The following EPM2A variants were observed in gnomAD, a reference collection of about 807,000 sequenced individuals.
EPM2A encodes EPM2A glucan phosphatase, laforin.
Under a neutral mutation model 26.5 loss-of-function variants are expected in EPM2A, and 21 were observed. That is an observed-to-expected ratio of 0.79 (90% CI 0.56 to 1.14). The LOEUF is 1.14. EPM2A is among the 50% of genes most tolerant of loss of function. The pLI is 0.00. For missense variants in EPM2A, 458 were observed against 440.8 expected (o/e 1.04, Z -0.35); for synonymous variants, 217 against 177.6 (o/e 1.22, Z -1.76).
intron 2 of EPM2A, among the ~76,000 whole-genome samples, chr6:145,565,278 C>T (rs1339764407): frequency 6.6e-6 from 1 of 152,190 alleles, no homozygotes; most frequent in Non-Finnish European, 1.5e-5. Context: ...AGTCCCCTCA[C>T]ATGGCACTAA....
chr6:145,560,467 GT>G (rs1780789173), intron 2 of EPM2A, among the ~76,000 whole-genome samples: 1 of 152,060 alleles, frequency 6.6e-6, no homozygotes, highest in African/African-American at 2.4e-5. Flanking sequence ...ACTCAATTCT[GT>G]TTTCACAGCA....
intron 1 of EPM2A, among the ~76,000 whole-genome samples, chr6:145,701,241 A>G (rs1416130269): frequency 1.3e-5 from 2 of 152,214 alleles, no homozygotes; most frequent in African/African-American, 4.8e-5. Context: ...AGCAACAGAA[A>G]ATCTGGTTAA....
At chr6:145,546,826 C>T (rs190548954) in intron 2 of EPM2A, among the ~76,000 whole-genome samples, 21 of 152,144 alleles carry the variant, frequency 1.4e-4, no homozygotes, top group Admixed American at 1.4e-3. Context: ...AATGATCTTC[C>T]CTCCTCATTT....
intron 4 of EPM2A, among the ~76,000 whole-genome samples, chr6:145,496,399 T>C (rs144209493): frequency 2.0e-5 from 3 of 152,342 alleles, no homozygotes; most frequent in Non-Finnish European, 4.4e-5. Flanking sequence ...GGAGTTCTTA[T>C]GGATGACATC....
intron 4 of EPM2A, among the ~76,000 whole-genome samples, chr6:145,435,569 C>T (rs1158092313): frequency 6.6e-6 from 1 of 151,124 alleles, no homozygotes; most frequent in Non-Finnish European, 1.5e-5. Context: ...GGGAATTATT[C>T]TGATTTTTTT....
chr6:145,397,607 T>A (rs1778423023), intron 4 of EPM2A, among the ~76,000 whole-genome samples: 1 of 152,188 alleles, frequency 6.6e-6, no homozygotes, highest in Admixed American at 6.5e-5. Context: ...AAAATCTTTT[T>A]ACAGCTTCCA....
intron 4 of EPM2A, among the ~76,000 whole-genome samples, chr6:145,393,103 G>A (rs747297008): frequency 2.0e-5 from 3 of 151,914 alleles, no homozygotes; most frequent in South Asian, 4.2e-4. Flanking sequence ...TTAGTACTCT[G>A]GTCAAGCAGA....
At chr6:145,523,502 T>C (rs1490673371) in intron 2 of EPM2A, among the ~76,000 whole-genome samples, 2 of 152,190 alleles carry the variant, frequency 1.3e-5, no homozygotes, top group East Asian at 3.9e-4. Flanking sequence ...TCTGTTATGA[T>C]GACCTGAGAT....
chr6:145,402,359 C>A (rs1278044761), intron 4 of EPM2A, among the ~76,000 whole-genome samples: 1 of 152,082 alleles, frequency 6.6e-6, no homozygotes, highest in African/African-American at 2.4e-5. Flanking sequence ...CTGACTAGTA[C>A]CCTTCAAAGG....
chr6:145,534,277 C>A (rs1177046947), intron 2 of EPM2A, among the ~76,000 whole-genome samples: 1 of 152,084 alleles, frequency 6.6e-6, no homozygotes, highest in Non-Finnish European at 1.5e-5. Context: ...ATGCATGAAA[C>A]AATATATTTG....
At chr6:145,489,870 G>A in intron 4 of EPM2A, 3 of 1,410,920 alleles carry the variant, frequency 2.1e-6, no homozygotes, top group Non-Finnish European at 3.0e-6. Context: ...TCCATTCAAA[G>A]TGAAGCTTCT....
At chr6:145,620,639 A>T (rs1395579685), downstream of EPM2A, among the ~76,000 whole-genome samples, 1 of 152,204 alleles carries the variant, frequency 6.6e-6, no homozygotes, top group African/African-American at 2.4e-5. Flanking sequence ...GAAATTGATA[A>T]AGTCTTGATA....
chr6:145,432,523 G>T (rs1778935369), intron 4 of EPM2A, among the ~76,000 whole-genome samples: 1 of 147,310 alleles, frequency 6.8e-6, no homozygotes, highest in Non-Finnish European at 1.5e-5. Context: ...CTGAACAGTA[G>T]TCTCAGCAGT....
intron 2 of EPM2A, among the ~76,000 whole-genome samples, chr6:145,667,372 C>A (rs1406475231): frequency 1.4e-5 from 2 of 146,222 alleles, no homozygotes; most frequent in Non-Finnish European, 3.0e-5. Context: ...ACAGACACTT[C>A]TCAAAAGAAG....
At position 145,387,745 on chromosome 6, in the gene EPM2A, C is replaced by T. The variant is rs117921030; in HGVS notation, c.556-3648G>A. Among the ~76,000 whole-genome samples the T allele has an allele frequency of 8.6e-5, 13 of 151,486 alleles. No homozygotes were observed. The East Asian group carries it at 2.5e-3, about 29-fold the overall frequency. ...ATTAAGCTTTGAAAAAAATATGGAC[C>T]CAAAATAAGTTTAAGAAAATAAATT... On this transcript the variant is annotated intron_variant, in intron 4 of 4. Coordinates refer to the EPM2A transcript ENST00000638717.
At position 145,596,079 on chromosome 6, in the gene EPM2A, GAAGT is replaced by G. The variant is rs1455115944; in HGVS notation, c.340+39162_340+39165del. Among the ~76,000 whole-genome samples, 4 of 152,204 alleles carry G rather than the reference GAAGT, an allele frequency of 2.6e-5. No homozygotes were observed. In the East Asian group the frequency reaches 7.7e-4, roughly 29 times the overall value. On this transcript the variant is annotated intron_variant, in intron 2 of 3. Coordinates refer to the EPM2A transcript ENST00000450221. ...CTAACAATATTCCTTAAAAGTCAAG[GAAGT>G]ATGTTTGTATCTTTATGTTCCAAGA...
At chr6:145,718,775 C>T (rs990653638) in intron 1 of EPM2A, among the ~76,000 whole-genome samples, 1 of 151,988 alleles carries the variant, frequency 6.6e-6, no homozygotes, top group Non-Finnish European at 1.5e-5. Flanking sequence ...AATTTACACA[C>T]AAAAAACGAA....
intron 2 of EPM2A, among the ~76,000 whole-genome samples, chr6:145,661,210 C>T (rs1359940725): frequency 1.3e-5 from 2 of 152,176 alleles, no homozygotes; most frequent in East Asian, 1.9e-4. Flanking sequence ...TTTATAAACG[C>T]CCTTTCACAA....
intron 2 of EPM2A, among the ~76,000 whole-genome samples, chr6:145,677,715 T>G: frequency 6.6e-6 from 1 of 152,078 alleles, no homozygotes; most frequent in East Asian, 1.9e-4. Flanking sequence ...GGAATCCAAC[T>G]TACAAGGGAT....
Sources: allele counts gnomAD v4.1 joint callset (sites outside exome capture counted in the v4.1 genomes callset), GRCh38; gene constraint gnomAD v4.1.1; transcripts MANE v1.5; gene names NCBI Gene and HGNC (gene_info 2026-07-23, HGNC 2026-07-21).